The following PRELID2 variants were observed in gnomAD, a reference collection of about 807,000 sequenced individuals.
PRELID2 encodes the protein PRELI domain containing 2, also known as PRELI domain-containing protein 2.
A neutral mutation model predicts 28.4 loss-of-function variants in PRELID2; 25 were observed. The observed-to-expected ratio is 0.88, with a 90% confidence interval of 0.64 to 1.23. The LOEUF is 1.23. PRELID2 is among the 50% of genes most tolerant of loss of function. PRELID2 has a pLI of 0.00. For missense variants in PRELID2, 201 were observed against 214.4 expected (o/e 0.94, Z 0.39); for synonymous variants, 76 against 71.6 (o/e 1.06, Z -0.31).
chr5:145,275,987 A>C, the PRELID2 span, among the ~76,000 whole-genome samples: 2 of 152,166 alleles, frequency 1.3e-5, no homozygotes, highest in African/African-American at 4.8e-5. Context: ...AGTTTCTGAC[A>C]CAAAGTAGCA....
chr5:145,706,058 T>C (rs1452562207), intron 1 of PRELID2, among the ~76,000 whole-genome samples: 1 of 152,160 alleles, frequency 6.6e-6, no homozygotes, highest in Non-Finnish European at 1.5e-5. Context: ...TTCTTGTTTT[T>C]GTAGCATAGG....
chr5:145,767,363 C>T lies in PRELID2; in HGVS notation c.475-2363G>A, dbSNP rs1757830349. The stretch of plus-strand genomic sequence containing the variant: ...CTCCCCATCCCGCTGAGAGCCACTT[C>T]CACTGCTCAGTAAAATCCTCCACAT... On this transcript the variant is annotated intron_variant, in intron 5 of 6. Coordinates refer to ENST00000683046, the MANE Select transcript of PRELID2 (RefSeq NM_205846.3). Among the ~76,000 whole-genome samples the T allele has an allele frequency of 4.6e-5, 7 of 152,136 alleles. No homozygotes were observed. The South Asian group carries it at 1.5e-3, about 32-fold the overall frequency.
chr5:145,399,824 T>C, the PRELID2 span, among the ~76,000 whole-genome samples: 1 of 152,132 alleles, frequency 6.6e-6, no homozygotes, highest in Non-Finnish European at 1.5e-5. Flanking sequence ...CTTACGTAGA[T>C]GGTGGCAGGC....
chr5:145,539,549 T>C (rs1360260153), intron 1 of PRELID2, among the ~76,000 whole-genome samples: 2 of 151,944 alleles, frequency 1.3e-5, no homozygotes, highest in African/African-American at 4.8e-5. Context: ...CTCTACCTCT[T>C]TCTCCTCCTC....
chr5:145,599,807 C>G (rs1318064721), intron 1 of PRELID2, among the ~76,000 whole-genome samples: 1 of 152,058 alleles, frequency 6.6e-6, no homozygotes, highest in African/African-American at 2.4e-5. Context: ...ATTCTTAAAC[C>G]TAGTTGTACA....
chr5:145,516,523 G>A (rs1752518344), intron 1 of PRELID2, among the ~76,000 whole-genome samples: 1 of 152,094 alleles, frequency 6.6e-6, no homozygotes, highest in African/African-American at 2.4e-5. Context: ...CCATGCTCAT[G>A]GACAGGAAGA....
the PRELID2 span, among the ~76,000 whole-genome samples, chr5:145,403,275 T>C: frequency 1.3e-5 from 2 of 152,290 alleles, no homozygotes; most frequent in South Asian, 4.2e-4. Flanking sequence ...TGATGGCTCA[T>C]GTCTGTAACC....
intron 1 of PRELID2, among the ~76,000 whole-genome samples, chr5:145,691,501 C>T (rs909006869): frequency 5.3e-5 from 8 of 152,004 alleles, no homozygotes; most frequent in Admixed American, 2.6e-4. Context: ...GTCAGGAGAT[C>T]GAGACCATCC....
At chr5:145,521,333 A>G (rs895557739) in intron 1 of PRELID2, among the ~76,000 whole-genome samples, 6 of 152,148 alleles carry the variant, frequency 3.9e-5, no homozygotes, top group Admixed American at 1.3e-4. Context: ...TGCCTGTCAC[A>G]TGGTTACTCT....
rs67760227 is a variant in PRELID2, at chr5:145,487,241, T to TAAA, written n.71-13927_71-13926insTTT. On this transcript the variant is annotated intron_variant and non_coding_transcript_variant, in intron 1 of 2. Transcript: ENST00000510259. ...ATGTACCCTAAAACTTAAAGTATAA[T>TAAA]AATAAAAAAAAAGACTAAGTCGTCA... Among the ~76,000 whole-genome samples, 34 of 147,752 alleles carry TAAA rather than the reference T, an allele frequency of 2.3e-4. 1 individual carries two copies. The highest frequency in any genetic ancestry group is 2.2e-3 in the South Asian group (10 of 4,636).
At chr5:145,617,837 G>A (rs1255011172) in intron 1 of PRELID2, among the ~76,000 whole-genome samples, 1 of 151,578 alleles carries the variant, frequency 6.6e-6, no homozygotes, top group African/African-American at 2.4e-5. Flanking sequence ...AGGTTCAAGT[G>A]ATGCTCCTGC....
At chr5:145,422,799 G>A in the PRELID2 span, among the ~76,000 whole-genome samples, 1 of 151,380 alleles carries the variant, frequency 6.6e-6, no homozygotes, top group African/African-American at 2.4e-5. Flanking sequence ...TGGTTATTTT[G>A]CTCATTGGTT....
chr5:145,578,713 A>G (rs1753083111), intron 1 of PRELID2, among the ~76,000 whole-genome samples: 1 of 152,134 alleles, frequency 6.6e-6, no homozygotes, highest in Non-Finnish European at 1.5e-5. Context: ...ACACAGTGTA[A>G]TGCAGACTGG....
the PRELID2 span, among the ~76,000 whole-genome samples, chr5:145,285,402 G>T: frequency 6.6e-6 from 1 of 151,978 alleles, no homozygotes; most frequent in Admixed American, 6.6e-5. Context: ...CCCCCGCTCC[G>T]CCCAGTTTCC....
intron 1 of PRELID2, among the ~76,000 whole-genome samples, chr5:145,573,824 A>G (rs1386372433): frequency 1.3e-5 from 2 of 152,136 alleles, no homozygotes; most frequent in African/African-American, 2.4e-5. Flanking sequence ...AGCATCTTCA[A>G]TCTTTTAGAA....
At chr5:145,299,984 T>C in the PRELID2 span, among the ~76,000 whole-genome samples, 2 of 152,284 alleles carry the variant, frequency 1.3e-5, no homozygotes, top group African/African-American at 4.8e-5. Flanking sequence ...AACAAATTTT[T>C]GTCTTTTTTC....
chr5:145,408,165 T>A, the PRELID2 span, among the ~76,000 whole-genome samples: 1 of 152,098 alleles, frequency 6.6e-6, no homozygotes, highest in Non-Finnish European at 1.5e-5. Context: ...CCTTGAGGTT[T>A]AGATCTTTCC....
At chr5:145,744,307 C>T (rs577357577) in intron 1 of PRELID2, among the ~76,000 whole-genome samples, 46 of 152,300 alleles carry the variant, frequency 3.0e-4, no homozygotes, top group African/African-American at 6.5e-4. Flanking sequence ...GCAGACCAGA[C>T]GAGGGGTTTC....
chr5:145,347,685 C>T, the PRELID2 span, among the ~76,000 whole-genome samples: 1 of 151,988 alleles, frequency 6.6e-6, no homozygotes, highest in African/African-American at 2.4e-5. Context: ...TTAGTAGCAG[C>T]TTTTACCCCC....
Sources: allele counts gnomAD v4.1 joint callset (sites outside exome capture counted in the v4.1 genomes callset), GRCh38; gene constraint gnomAD v4.1.1; transcripts MANE v1.5; gene names NCBI Gene and HGNC (gene_info 2026-07-23, HGNC 2026-07-21).